DGLUCY: variants seen among roughly 807,000 people sequenced by gnomAD.
The protein encoded by DGLUCY is D-glutamate cyclase, also known as D-glutamate cyclase, mitochondrial.
DGLUCY carries 58 observed loss-of-function variants against 58.5 expected under a neutral mutation model. That is an observed-to-expected ratio of 0.99 (90% confidence interval 0.80 to 1.23). The LOEUF (loss-of-function observed/expected upper bound fraction) is 1.23. Ranked by LOEUF, DGLUCY falls within the 50% of genes most tolerant of loss-of-function variation. The pLI is 0.00. For synonymous variants in DGLUCY, 325 were observed against 314.1 expected, an observed-to-expected ratio of 1.03 and a Z score of -0.37; for missense variants, 779 against 784.7, an observed-to-expected ratio of 0.99 and a Z score of 0.09.
intron 1 of DGLUCY, among the ~76,000 whole-genome samples, chr14:91,074,160 C>CACACAG (rs1453975330): frequency 4.2e-4 from 57 of 136,102 alleles, no homozygotes; most frequent in Non-Finnish European, 7.1e-4. Context: ...CACACACACA[C>CACACAG]AGTCAAGCAC....
At chr14:91,094,834 A>T (rs1018154232) in intron 1 of DGLUCY, among the ~76,000 whole-genome samples, 2 of 152,124 alleles carry the variant, frequency 1.3e-5, no homozygotes, top group Non-Finnish European at 2.9e-5. Context: ...AAAAAAAAAA[A>T]AAAGTCTTCA....
chr14:91,190,960 A>G lies in DGLUCY; in HGVS notation c.1195+1790A>G, dbSNP rs181062529. The stretch of plus-strand genomic sequence containing the variant: ...GGACGGTTTGGAGTGGGGGTGCCTC[A>G]TGGCACATCCCTTCAGCCGCACTTC... On this transcript the variant is annotated intron_variant, in intron 9 of 13. Transcript: ENST00000256324. Among the ~76,000 whole-genome samples, 25 of 152,256 alleles carry G rather than the reference A, an allele frequency of 1.6e-4. No individual in the cohort carries two copies. In the East Asian group the frequency reaches 4.1e-3, roughly 25 times the overall value.
rs371230327 is a variant in DGLUCY, at chr14:91,162,852, G to T, written c.103+2455G>T. On this transcript the variant is annotated intron_variant, in intron 3 of 13. Coordinates refer to ENST00000256324, the MANE Select transcript of DGLUCY (RefSeq NM_001102368.3). ...GCGGAGGTTGCAGTGAGCCGAGATC[G>T]CACCATTGCACTCCAGCCTGGGCGA... Among the ~76,000 whole-genome samples, 64 of 150,172 alleles carry T rather than the reference G, an allele frequency of 4.3e-4. No individual in the cohort carries two copies. The South Asian group carries it at 0.013, about 30-fold the overall frequency.
chr14:91,079,891 G>A (rs950540907), intron 1 of DGLUCY, among the ~76,000 whole-genome samples: 3 of 151,798 alleles, frequency 2.0e-5, no homozygotes, highest in African/African-American at 7.3e-5. Flanking sequence ...TTAAAATGTT[G>A]TATCACCATC....
chr14:91,220,580 G>A (rs1191700495), intron 13 of DGLUCY: 1 of 456,236 alleles, frequency 2.2e-6, no homozygotes, highest in African/African-American at 2.0e-5. Context: ...CAGATGCCAT[G>A]TGGCGTCATG....
chr14:91,188,672 C>G lies in DGLUCY; in HGVS notation c.935-238C>G, dbSNP rs546911568. ...AAGGTCCTATCTTTTTAAAAAATGC[C>G]AAAAAAAATTAGCGGGCTGTGGTGG... On this transcript the variant is annotated intron_variant, in intron 8 of 13. Transcript: ENST00000256324. Among the ~76,000 whole-genome samples, 345 of 151,430 alleles carry G rather than the reference C, an allele frequency of 2.3e-3. 2 individuals carry two copies. The highest frequency in any genetic ancestry group is 7.4e-3 in the African/African-American group (306 of 41,324).
chr14:91,138,348 G>A (rs190455475), intron 1 of DGLUCY, among the ~76,000 whole-genome samples: 198 of 152,196 alleles, frequency 1.3e-3, no homozygotes, highest in Non-Finnish European at 2.6e-3. Context: ...AAAATTAGCC[G>A]GGTGTGGTGG....
At chr14:91,105,380 C>G (rs1292580163), upstream of DGLUCY, among the ~76,000 whole-genome samples, 2 of 152,144 alleles carry the variant, frequency 1.3e-5, no homozygotes, top group Non-Finnish European at 2.9e-5. Context: ...AGAACAGGTG[C>G]TGAGGACTCA....
intron 1 of DGLUCY, among the ~76,000 whole-genome samples, chr14:91,150,311 G>A (rs2140297896): frequency 6.6e-6 from 1 of 151,800 alleles, no homozygotes; most frequent in East Asian, 1.9e-4. Context: ...TTCCTGTGGA[G>A]CTGGAACAGG....
In DGLUCY at chr14:91,196,287, C is replaced by CT. The variant is rs1267270705; in HGVS notation, c.1196-88_1196-87insT. On this transcript the variant is annotated intron_variant, in intron 9 of 13. Coordinates refer to ENST00000256324, the MANE Select transcript of DGLUCY (RefSeq NM_001102368.3). ...TGTTGTTCAACAACAGTAATGATACCCTTCAAAGAAGCTTTTGAAAAGCCA... is the reference window on the plus strand; with the variant it reads ...TGTTGTTCAACAACAGTAATGATACCTCTTCAAAGAAGCTTTTGAAAAGCCA... 44 of 957,512 alleles carry CT rather than the reference C, an allele frequency of 4.6e-5. 1 individual carries two copies. Among genetic ancestry groups the CT allele is most frequent in the Non-Finnish European group, 1.2e-5 (7 of 604,020 alleles). The allele number at this position is 957,512 out of a possible 1,614,324, so 59.3% of individuals were successfully genotyped here.
upstream of DGLUCY, among the ~76,000 whole-genome samples, chr14:91,107,663 C>G (rs200899731): frequency 6.6e-6 from 1 of 152,184 alleles, no homozygotes; most frequent in East Asian, 1.9e-4. Context: ...CTCTGGAACT[C>G]AGCCATGAAC....
At chr14:91,091,969 G>A (rs1008744682) in intron 1 of DGLUCY, among the ~76,000 whole-genome samples, 7 of 152,064 alleles carry the variant, frequency 4.6e-5, no homozygotes, top group East Asian at 1.9e-4. Flanking sequence ...TCCTACTCAC[G>A]GAAATTGACC....
intron 1 of DGLUCY, among the ~76,000 whole-genome samples, chr14:91,073,933 C>A (rs1228009903): frequency 1.3e-5 from 2 of 151,444 alleles, no homozygotes; most frequent in Non-Finnish European, 2.9e-5. Flanking sequence ...CCAGCCCGGG[C>A]AATATAGCAA....
chr14:91,129,553 T>C (rs1362583544), intron 1 of DGLUCY, among the ~76,000 whole-genome samples: 2 of 150,236 alleles, frequency 1.3e-5, no homozygotes, highest in Admixed American at 1.3e-4. Flanking sequence ...CTGGGCAATA[T>C]AGGGAGACCC....
At chr14:91,062,588 TATATATATATATATATATATATA>T (rs1464417113) in intron 1 of DGLUCY, among the ~76,000 whole-genome samples, 1,776 of 26,332 alleles carry the variant, frequency 0.067, 271 homozygotes, top group African/African-American at 0.18. Flanking sequence ...TATATATATA[TATATATATATATATATATATATA>T]AACAATCCTT....
chr14:91,120,728 T>G (rs1398747375), intron 1 of DGLUCY, among the ~76,000 whole-genome samples: 1 of 152,160 alleles, frequency 6.6e-6, no homozygotes, highest in Non-Finnish European at 1.5e-5. Flanking sequence ...TTATTTGTGA[T>G]TCCTTTCTTT....
chr14:91,141,708 C>T (rs1027323233), intron 1 of DGLUCY, among the ~76,000 whole-genome samples: 2 of 151,970 alleles, frequency 1.3e-5, no homozygotes, highest in African/African-American at 4.8e-5. Context: ...TGCACCACTG[C>T]ACCCAGCTAA....
At chr14:91,101,371 A>C (rs147093782) in intron 1 of DGLUCY, among the ~76,000 whole-genome samples, 2 of 152,136 alleles carry the variant, frequency 1.3e-5, no homozygotes, top group East Asian at 3.9e-4. Context: ...TAGAAACCTT[A>C]TGTAAGTGGA....
chr14:91,155,290 T>G (rs999132970), intron 1 of DGLUCY, among the ~76,000 whole-genome samples: 1 of 152,108 alleles, frequency 6.6e-6, no homozygotes, highest in Non-Finnish European at 1.5e-5. Context: ...GTAATAAACA[T>G]GGGTAACACT....
Sources: gnomAD v4.1 joint callset for allele counts (sites outside exome capture counted in the v4.1 genomes callset) on GRCh38, gnomAD v4.1.1 for gene constraint, MANE v1.5 for transcripts, NCBI Gene and HGNC (gene_info 2026-07-23, HGNC 2026-07-21) for gene names.